The following JADE3 variants were observed in gnomAD, a reference collection of about 807,000 sequenced individuals.
JADE3 encodes jade family PHD finger 3.
In JADE3, 2 loss-of-function variants were observed where a neutral mutation model predicts 50.1. The observed-to-expected ratio is 0.04, with a 90% CI of 0.02 to 0.13. The LOEUF (loss-of-function observed/expected upper bound fraction) is 0.13, where lower values mean the gene tolerates loss of function less well. Ranked by LOEUF, JADE3 falls within the 10% of genes least tolerant of loss-of-function variation. The pLI is 1.00. For synonymous variants in JADE3, 218 were observed against 232.9 expected (o/e 0.94, Z 0.58); for missense variants, 475 against 634.4 (o/e 0.75, Z 2.70).
At chrX:47,030,546 A>G (rs1219133793) in intron 6 of JADE3, among the ~76,000 whole-genome samples, 4 of 111,497 alleles carry the variant, frequency 3.6e-5, no homozygotes, top group Non-Finnish European at 5.6e-5. Context: ...GACTTAAAAT[A>G]CCTTGGAAGA....
rs782446469 is a variant in JADE3, at chrX:46,984,954, G to C, written c.46+14G>C. On this transcript the variant is annotated intron_variant, in intron 2 of 10. Transcript: ENST00000614628. ...GTTCAGACGAAAGTGAGTAGAACCG[G>C]CTGGCAGCTGGTAACCTTTCTATCT... 6 of 1,180,878 alleles carry C rather than the reference G, an allele frequency of 5.1e-6. No individual in the cohort carries two copies. In the Admixed American group the frequency reaches 1.3e-4, roughly 26 times the overall value.
intron 9 of JADE3, among the ~76,000 whole-genome samples, chrX:47,055,207 A>T (rs957254584): frequency 9.0e-6 from 1 of 111,590 alleles, no homozygotes; most frequent in African/African-American, 3.3e-5. Flanking sequence ...ACTCCACATG[A>T]TAATTCAATA....
At chrX:46,970,161 T>C (rs1927454924) in intron 1 of JADE3, among the ~76,000 whole-genome samples, 1 of 112,609 alleles carries the variant, frequency 8.9e-6, no homozygotes, top group Non-Finnish European at 1.9e-5. Flanking sequence ...CCATGTGTAA[T>C]GGGGGTTGAG....
chrX:46,987,791 G>A (rs782573583), intron 3 of JADE3, among the ~76,000 whole-genome samples: 58 of 112,220 alleles, frequency 5.2e-4, no homozygotes, highest in Non-Finnish European at 9.8e-4. Flanking sequence ...GGGTTTTGAG[G>A]CCTACTGCCT....
At chrX:47,029,107 C>G (rs782532132) in intron 6 of JADE3, among the ~76,000 whole-genome samples, 10 of 111,480 alleles carry the variant, frequency 9.0e-5, no homozygotes, top group African/African-American at 3.3e-4. Flanking sequence ...GGTCTGTGCC[C>G]CCAGGGAGAT....
chrX:46,997,162 T>A lies in JADE3; in HGVS notation c.127-958T>A, dbSNP rs1345707384. Among the ~76,000 whole-genome samples the A allele has an allele frequency of 5.4e-5, 6 of 111,485 alleles. No individual in the cohort carries two copies. In the East Asian group the frequency reaches 1.4e-3, roughly 26 times the overall value. ...GCACCATCTTTCCCAAAGATAGTAGTTTAGCAAATTGGAAATTGCCACCAC... is the reference window on the plus strand; with the variant it reads ...GCACCATCTTTCCCAAAGATAGTAGATTAGCAAATTGGAAATTGCCACCAC... On this transcript the variant is annotated intron_variant, in intron 3 of 10. Transcript: ENST00000614628.
intron 2 of JADE3, among the ~76,000 whole-genome samples, chrX:46,985,167 T>C (rs1418452198): frequency 6.3e-5 from 7 of 111,746 alleles, no homozygotes; most frequent in African/African-American, 2.3e-4. Flanking sequence ...TTTACCTAAA[T>C]AACAAAAGCC....
At chrX:47,034,289 A>G (rs1929084874) in intron 7 of JADE3, among the ~76,000 whole-genome samples, 2 of 111,390 alleles carry the variant, frequency 1.8e-5, no homozygotes, top group Non-Finnish European at 1.9e-5. Flanking sequence ...AAGATCCTCT[A>G]TACCCACTTT....
intron 1 of JADE3, among the ~76,000 whole-genome samples, chrX:46,924,639 T>C (rs1417762793): frequency 8.9e-6 from 1 of 111,958 alleles, no homozygotes; most frequent in Non-Finnish European, 1.9e-5. Flanking sequence ...TTTTTCTTAC[T>C]CTCTTGAATT....
At chrX:47,053,539 G>A (rs1314312839) in intron 8 of JADE3, among the ~76,000 whole-genome samples, 4 of 111,880 alleles carry the variant, frequency 3.6e-5, no homozygotes, top group African/African-American at 6.5e-5. Flanking sequence ...GATCACAGGC[G>A]TAAGCCACTG....
At chrX:47,044,581 TC>T (rs1185357235) in intron 8 of JADE3, among the ~76,000 whole-genome samples, 1 of 111,358 alleles carries the variant, frequency 9.0e-6, no homozygotes, top group East Asian at 2.8e-4. Flanking sequence ...CAATAAGAAA[TC>T]ATCTGAAGGT....
chrX:47,031,813 C>G (rs1556366781), intron 6 of JADE3, among the ~76,000 whole-genome samples: 2 of 111,037 alleles, frequency 1.8e-5, no homozygotes, highest in African/African-American at 6.6e-5. Context: ...TACAGTGAGC[C>G]AAGATCATGC....
chrX:46,930,915 G>T (rs782446371), intron 1 of JADE3, among the ~76,000 whole-genome samples: 2 of 111,162 alleles, frequency 1.8e-5, no homozygotes, highest in African/African-American at 6.6e-5. Flanking sequence ...TACCCTGAAC[G>T]CGCACTACCT....
chrX:47,041,786 C>T (rs192499949), intron 8 of JADE3, among the ~76,000 whole-genome samples: 163 of 109,359 alleles, frequency 1.5e-3, no homozygotes, highest in African/African-American at 5.2e-3. Context: ...AGTGATTCCC[C>T]TGCCTCAGCC....
chrX:47,013,133 C>G (rs1928597227), intron 4 of JADE3, among the ~76,000 whole-genome samples: 1 of 111,961 alleles, frequency 8.9e-6, no homozygotes, highest in Non-Finnish European at 1.9e-5. Context: ...CTGCCTTAGC[C>G]TCCCCAATTA....
chrX:46,984,254 A>C (rs1210027346), intron 1 of JADE3, among the ~76,000 whole-genome samples: 1 of 112,199 alleles, frequency 8.9e-6, no homozygotes, highest in Non-Finnish European at 1.9e-5. Flanking sequence ...AACCGTTGGA[A>C]GTTTTAGTCC....
At chrX:47,052,633 CAAAAAAAAAA>C (rs1195947563) in intron 8 of JADE3, among the ~76,000 whole-genome samples, 13 of 18,926 alleles carry the variant, frequency 6.9e-4, no homozygotes, top group Non-Finnish European at 9.4e-4. Flanking sequence ...GACTCTGTCT[CAAAAAAAAAA>C]AAAAAAAAAA....
chrX:46,936,928 GTTGT>G (rs1170774427), intron 1 of JADE3, among the ~76,000 whole-genome samples: 6 of 111,477 alleles, frequency 5.4e-5, no homozygotes, highest in African/African-American at 1.6e-4. Context: ...ATTTTTCTCT[GTTGT>G]TTTTCTGTTT....
chrX:46,927,784 T>C (rs782157944), intron 1 of JADE3, among the ~76,000 whole-genome samples: 1 of 111,163 alleles, frequency 9.0e-6, no homozygotes, highest in East Asian at 2.8e-4. Context: ...CATTAGAAAA[T>C]GCAGTGGAGA....
Sources: gnomAD v4.1 joint callset for allele counts (sites outside exome capture counted in the v4.1 genomes callset) on GRCh38, gnomAD v4.1.1 for gene constraint, MANE v1.5 for transcripts, NCBI Gene and HGNC (gene_info 2026-07-23, HGNC 2026-07-21) for gene names.